Variants in ERCC3 observed in about 807,000 individuals in gnomAD.
The protein encoded by ERCC3 is ERCC excision repair 3, TFIIH core complex helicase subunit.
A neutral mutation model predicts 94.2 loss-of-function variants in ERCC3; 66 were observed. That is an observed-to-expected ratio of 0.70 (90% confidence interval 0.57 to 0.86). The LOEUF is 0.86. Ranked by LOEUF, ERCC3 falls within the 40% of genes least tolerant of loss-of-function variation. ERCC3 has a pLI of 0.00. For synonymous variants in ERCC3, 349 were observed against 369.1 expected (o/e 0.95, Z 0.63); for missense variants, 829 against 987.1 (o/e 0.84, Z 2.15).
Position 127,271,301 on chromosome 2 carries a change from G to A in ERCC3, c.1945+35C>T. On this transcript the variant is annotated intron_variant, in intron 12 of 14. Coordinates refer to ENST00000285398, the MANE Select transcript of ERCC3 (RefSeq NM_000122.2). The surrounding 1 kb of genome is among the most constrained non-coding windows in gnomAD (Gnocchi z 5.0). ...CTAACTAAAGTGGTTTAAGAGGAGTGACCTCCTGCAACAGAAGATGAAAGG... is the reference window on the plus strand; with the variant it reads ...CTAACTAAAGTGGTTTAAGAGGAGTAACCTCCTGCAACAGAAGATGAAAGG... 2 of 1,413,996 alleles carry A rather than the reference G, an allele frequency of 1.4e-6. No individual in the cohort carries two copies. The highest frequency in any genetic ancestry group is 2.0e-6 in the Non-Finnish European group (2 of 997,172). The allele number at this position is 1,413,996 out of a possible 1,614,324, so 87.6% of individuals were successfully genotyped here.
rs779748578 is a variant in ERCC3 at position 127,257,685 on chromosome 2, C to T, written c.2260G>A (p.Asp754Asn). Residue 754 changes from aspartate to asparagine, a missense_variant, in exon 15 of 15, where the codon GAC (aspartate) becomes AAC (asparagine). Coordinates refer to ENST00000285398, the MANE Select transcript of ERCC3 (RefSeq NM_000122.2). This position sits in a 1 kb window ranked among gnomAD's most constrained non-coding sequence, Gnocchi z 5.4. The part of the protein sequence containing the change: ...FGTMSSMSGA[D>N]DTVYMEYHSS... ...TGGTACTCCATGTACACAGTGTCGT[C>T]GGCCCCAGACATAGAACTCATGGTG... is the stretch of plus-strand genomic sequence containing the variant. 6.2e-6 allele frequency: 10 copies of T among 1,614,188 alleles called. No homozygotes were observed. The highest frequency in any genetic ancestry group is 2.2e-5 in the East Asian group (1 of 44,880).
intron 10 of ERCC3, among the ~76,000 whole-genome samples, chr2:127,273,749 CAAAAAAAA>C (rs398039596): frequency 2.7e-4 from 11 of 40,118 alleles, no homozygotes; most frequent in African/African-American, 7.4e-4. Flanking sequence ...AACTCTGTCT[CAAAAAAAA>C]AAAAAAAAAA....
At chr2:127,292,323 G>T in intron 3 of ERCC3, 1 of 501,526 alleles carries the variant, frequency 2.0e-6, no homozygotes, top group South Asian at 2.0e-5. Flanking sequence ...TGAATTAGTA[G>T]CCCCTCTGTG....
chr2:127,260,635 C>T (rs1684163666), intron 13 of ERCC3: 1 of 154,184 alleles, frequency 6.5e-6, no homozygotes, highest in Non-Finnish European at 1.4e-5. Context: ...CAATCAAGAA[C>T]CTGGGAGTCT....
At chr2:127,269,103 T>A (rs563271031) in intron 12 of ERCC3, among the ~76,000 whole-genome samples, 8 of 152,218 alleles carry the variant, frequency 5.3e-5, no homozygotes, top group African/African-American at 1.9e-4. Flanking sequence ...ACTTATGAAT[T>A]GTTTATTTCT....
chr2:127,287,596 T>C (rs904929720), intron 7 of ERCC3, among the ~76,000 whole-genome samples: 1 of 152,050 alleles, frequency 6.6e-6, no homozygotes, highest in Non-Finnish European at 1.5e-5. Flanking sequence ...ATGGCGCCAC[T>C]ACACTCCAGC....
In ERCC3 at chr2:127,279,759, T is replaced by TA. The variant is rs35007173; in HGVS notation, c.1528-385dup. 0.013 allele frequency among the ~76,000 whole-genome samples: 1,937 copies of TA among 145,340 alleles called. 45 individuals are homozygous for TA. The highest frequency in any genetic ancestry group is 0.044 in the African/African-American group (1,735 of 39,766). On this transcript the variant is annotated intron_variant, in intron 9 of 14. Coordinates refer to ENST00000285398, the MANE Select transcript of ERCC3 (RefSeq NM_000122.2). The surrounding 1 kb of genome is among the most constrained non-coding windows in gnomAD (Gnocchi z 4.7). ...TGGGTGACAGAGTGAGACCCTGTTT[T>TA]AAAAAAAAAAAAATGCTATGTGAAT...
intron 12 of ERCC3, among the ~76,000 whole-genome samples, chr2:127,269,417 CTTTTTTTTT>C (rs70985445): frequency 1.8e-5 from 2 of 113,556 alleles, no homozygotes; most frequent in Admixed American, 9.1e-5. Context: ...ATTCTATTCA[CTTTTTTTTT>C]TTTTTTTTTT....
intron 6 of ERCC3, 99 bp downstream of exon 6, chr2:127,289,238 C>T (rs1176760589): frequency 1.8e-6 from 2 of 1,091,596 alleles, no homozygotes; most frequent in Non-Finnish European, 2.8e-6. Context: ...ACAGGGACTC[C>T]TTCCTTTCAC....
rs1002029336 is a variant in ERCC3, at chr2:127,258,539, G to A, written c.2217+757C>T. 3.9e-5 allele frequency among the ~76,000 whole-genome samples: 6 copies of A among 152,102 alleles called. No homozygotes were observed. Among genetic ancestry groups the A allele is most frequent in the African/African-American group, 7.2e-5 (3 of 41,424 alleles). ...TCCCATGGAGAGTGCCCCCTGGGTCGGGGGAGGAAAGCCTTAGGCTGGAGG... is the reference window on the plus strand; with the variant it reads ...TCCCATGGAGAGTGCCCCCTGGGTCAGGGGAGGAAAGCCTTAGGCTGGAGG... On this transcript the variant is annotated intron_variant, in intron 14 of 14. Coordinates refer to ENST00000285398, the MANE Select transcript of ERCC3 (RefSeq NM_000122.2). The surrounding 1 kb of genome is among the most constrained non-coding windows in gnomAD (Gnocchi z 4.1).
chr2:127,282,906 C>G (rs192461111), intron 8 of ERCC3, among the ~76,000 whole-genome samples: 5 of 152,198 alleles, frequency 3.3e-5, no homozygotes, highest in Admixed American at 2.0e-4. Flanking sequence ...AACCTGGGAC[C>G]TGGGGCTTGG....
In ERCC3 at chr2:127,259,483, T is replaced by TC. The variant is rs1257417330; in HGVS notation, c.2065-36_2065-35insG. Reference sequence around the variant, plus strand: ...CCAAGCCAGCAGACATGCCCCTTTCTGCTCTCTCTCCCCAGCCCTCCTCTG... The same window carrying TC: ...CCAAGCCAGCAGACATGCCCCTTTCTCGCTCTCTCTCCCCAGCCCTCCTCTG... On this transcript the variant is annotated intron_variant, in intron 13 of 14. Transcript: ENST00000285398. The surrounding 1 kb of genome is among the most constrained non-coding windows in gnomAD (Gnocchi z 4.9). The TC allele has an allele frequency of 1.9e-6, 3 of 1,613,330 alleles. No individual in the cohort carries two copies. In the African/African-American group the frequency reaches 4.0e-5, roughly 22 times the overall value.
rs1214357424 is a variant in ERCC3, at chr2:127,258,297, G to A, written c.2218-570C>T. On this transcript the variant is annotated intron_variant, in intron 14 of 14. Coordinates refer to ENST00000285398, the MANE Select transcript of ERCC3 (RefSeq NM_000122.2). This position sits in a 1 kb window ranked among gnomAD's most constrained non-coding sequence, Gnocchi z 4.1. ...AAATCTCCTGAGACACCACCATAAG[G>A]CTTTGAATCAAGTGGAAGGACAGAA... Among the ~76,000 whole-genome samples, 3 of 152,070 alleles carry A rather than the reference G, an allele frequency of 2.0e-5. No individual in the cohort carries two copies. Among genetic ancestry groups the A allele is most frequent in the Non-Finnish European group, 4.4e-5 (3 of 68,016 alleles).
Position 127,259,215 on chromosome 2 carries a change from G to T in ERCC3, c.2217+81C>A. The T allele has an allele frequency of 6.6e-7, 1 of 1,514,636 alleles. No individual in the cohort carries two copies. Among genetic ancestry groups the T allele is most frequent in the Non-Finnish European group, 9.2e-7 (1 of 1,091,864 alleles). The allele number at this position is 1,514,636 out of a possible 1,614,324, so 93.8% of individuals were successfully genotyped here. ...AAATCCCATGGGCCCATCCAGGCAG[G>T]ACTACATGTCTGTGTCTGTGTCTAC... On this transcript the variant is annotated intron_variant, in intron 14 of 14. Transcript: ENST00000285398. The surrounding 1 kb of genome is among the most constrained non-coding windows in gnomAD (Gnocchi z 4.9).
At chr2:127,282,807 A>T (rs1684957106) in intron 8 of ERCC3, among the ~76,000 whole-genome samples, 2 of 152,218 alleles carry the variant, frequency 1.3e-5, no homozygotes, top group African/African-American at 4.8e-5. Context: ...AGAGACAGAC[A>T]AACTCACAGA....
In ERCC3 at chr2:127,289,354, A is replaced by T. The variant is rs201622885; in HGVS notation, c.805T>A (p.Ser269Thr). 5.0e-6 allele frequency: 8 copies of T among 1,613,672 alleles called. No individual in the cohort carries two copies. Residue 269 changes from serine to threonine, a missense_variant, in exon 6 of 15, where the codon TCT (serine) becomes ACT (threonine). By Grantham distance (58) the Ser-to-Thr change is moderately conservative. Coordinates refer to ENST00000285398, the MANE Select transcript of ERCC3 (RefSeq NM_000122.2). ...TCACTAACCTGCTTGACTTCAAAAGACACTGTCTGTGTCTCTTCTTCTTCT... is the reference window on the plus strand; with the variant it reads ...TCACTAACCTGCTTGACTTCAAAAGTCACTGTCTGTGTCTCTTCTTCTTCT... ...EEEEEETQTV[S>T]FEVKQEMIEE... is the part of the protein sequence containing the mutation.
rs1438418977 is a variant in ERCC3, at chr2:127,294,054, C to T, written c.28G>A (p.Asp10Asn). Residue 10 changes from aspartate (D) to asparagine (N), a missense_variant and splice_region_variant, in exon 1 of 15, where the codon GAC becomes AAC. Asp to Asn is a conservative substitution (Grantham distance 23, BLOSUM62 1). Transcript: ENST00000285398. Reference sequence around the variant, plus strand: ...TGAGCGTGCCCGCGCAACGTCTCACCGCGGTCCGCTCGGTCTCTTTTGCCC... The same window carrying T: ...TGAGCGTGCCCGCGCAACGTCTCACTGCGGTCCGCTCGGTCTCTTTTGCCC... MGKRDRADR[D>N]KKKSRKRHYE... The T allele has an allele frequency of 1.9e-6, 3 of 1,606,956 alleles. No individual in the cohort carries two copies. The highest frequency in any genetic ancestry group is 1.7e-6 in the Non-Finnish European group (2 of 1,179,344).
chr2:127,276,674 GA>G (rs1684743430), intron 10 of ERCC3, among the ~76,000 whole-genome samples: 1 of 152,186 alleles, frequency 6.6e-6, no homozygotes, highest in Admixed American at 6.5e-5. Context: ...GGACTACATA[GA>G]GAAAGTGATT....
intron 1 of ERCC3, 157 bp downstream of exon 1, chr2:127,293,897 C>T (rs1183180656): frequency 6.6e-7 from 1 of 1,525,078 alleles, no homozygotes; most frequent in East Asian, 2.4e-5. Flanking sequence ...GCGCCCAGGT[C>T]CAGCATCTCT....
Sources: allele counts gnomAD v4.1 joint callset (sites outside exome capture counted in the v4.1 genomes callset), GRCh38; gene constraint gnomAD v4.1.1; non-coding constraint Gnocchi (gnomAD v3.1); transcripts MANE v1.5; gene names NCBI Gene and HGNC (gene_info 2026-07-23, HGNC 2026-07-21).